Variants in MIR2052HG observed in about 807,000 individuals in gnomAD.
MIR2052HG encodes MIR2052 host gene.
At chr8:74,658,313 T>G (rs1808827092) in intron 2 of MIR2052HG, among the ~76,000 whole-genome samples, 1 of 152,164 alleles carries the variant, frequency 6.6e-6, no homozygotes, top group Non-Finnish European at 1.5e-5. Context: ...CTGTCTTTCC[T>G]GAGAATGTAT....
At chr8:74,718,128 T>C (rs1024345119) in intron 4 of MIR2052HG, among the ~76,000 whole-genome samples, 11 of 152,232 alleles carry the variant, frequency 7.2e-5, no homozygotes, top group Non-Finnish European at 1.2e-4. Context: ...TTGAATTTAT[T>C]GGAATTGTTG....
At chr8:74,621,097 A>C (rs1014587233) in intron 2 of MIR2052HG, among the ~76,000 whole-genome samples, 1 of 152,106 alleles carries the variant, frequency 6.6e-6, no homozygotes, top group Non-Finnish European at 1.5e-5. Flanking sequence ...CCTCATCTCC[A>C]TCTGTGATCA....
intron 2 of MIR2052HG, among the ~76,000 whole-genome samples, chr8:74,658,228 C>T (rs1399717206): frequency 1.3e-5 from 2 of 152,110 alleles, no homozygotes; most frequent in Admixed American, 1.3e-4. Context: ...TTCCCTTCCT[C>T]TGCCCTGACT....
At chr8:74,642,901 T>A (rs531692745) in intron 2 of MIR2052HG, among the ~76,000 whole-genome samples, 123 of 152,312 alleles carry the variant, frequency 8.1e-4, no homozygotes, top group Non-Finnish European at 1.0e-3. Flanking sequence ...GCTTTTCATT[T>A]CCAGCTACCA....
At chr8:74,659,429 G>A (rs1265137281) in intron 2 of MIR2052HG, among the ~76,000 whole-genome samples, 6 of 152,094 alleles carry the variant, frequency 3.9e-5, no homozygotes, top group African/African-American at 9.7e-5. Flanking sequence ...CTTTAAGATC[G>A]TGTTTCCTAC....
At chr8:74,631,785 A>G in intron 2 of MIR2052HG, among the ~76,000 whole-genome samples, 1 of 152,160 alleles carries the variant, frequency 6.6e-6, no homozygotes, top group East Asian at 1.9e-4. Context: ...TCTGGTGAGG[A>G]CTTGCTGTGC....
At chr8:74,657,418 T>C (rs1808817842) in intron 2 of MIR2052HG, among the ~76,000 whole-genome samples, 1 of 152,208 alleles carries the variant, frequency 6.6e-6, no homozygotes, top group South Asian at 2.1e-4. Flanking sequence ...TTCTTTTTTA[T>C]GACCTGCAAG....
intron 2 of MIR2052HG, among the ~76,000 whole-genome samples, chr8:74,667,082 A>G (rs1013539443): frequency 2.0e-5 from 3 of 152,214 alleles, no homozygotes; most frequent in African/African-American, 7.2e-5. Context: ...CAAGAGGGAT[A>G]AATCACCAGG....
intron 2 of MIR2052HG, among the ~76,000 whole-genome samples, chr8:74,650,124 A>G (rs1000898633): frequency 7.2e-5 from 11 of 152,208 alleles, no homozygotes; most frequent in African/African-American, 2.4e-4. Context: ...ACACAATAAT[A>G]TAAGCATACA....
intron 4 of MIR2052HG, among the ~76,000 whole-genome samples, chr8:74,738,491 C>G (rs1809794015): frequency 1.3e-5 from 2 of 152,210 alleles, no homozygotes; most frequent in South Asian, 4.1e-4. Flanking sequence ...GGCTCTTATT[C>G]TCTAAATTAC....
intron 4 of MIR2052HG, among the ~76,000 whole-genome samples, chr8:74,721,502 G>T (rs574738411): frequency 2.6e-5 from 4 of 152,272 alleles, no homozygotes; most frequent in African/African-American, 7.2e-5. Context: ...AGGGACAAAA[G>T]GCCTCTTATC....
chr8:74,735,964 C>T (rs1382307819), intron 4 of MIR2052HG, among the ~76,000 whole-genome samples: 1 of 152,156 alleles, frequency 6.6e-6, no homozygotes, highest in Admixed American at 6.5e-5. Flanking sequence ...AAGTAGTAAG[C>T]AAATGCTAGC....
intron 2 of MIR2052HG, among the ~76,000 whole-genome samples, chr8:74,685,486 G>T (rs1192189402): frequency 6.6e-6 from 1 of 152,044 alleles, no homozygotes; most frequent in Non-Finnish European, 1.5e-5. Context: ...AACCATGTGT[G>T]GTTGGAATCT....
intron 2 of MIR2052HG, among the ~76,000 whole-genome samples, chr8:74,687,300 A>C (rs1007388340): frequency 9.9e-5 from 15 of 152,122 alleles, no homozygotes; most frequent in African/African-American, 3.6e-4. Flanking sequence ...TACTCAAAAA[A>C]ATTTAAAAGG....
intron 2 of MIR2052HG, among the ~76,000 whole-genome samples, chr8:74,682,586 T>C (rs181026104): frequency 2.2e-3 from 334 of 152,040 alleles, no homozygotes; most frequent in Middle Eastern, 0.01. Flanking sequence ...ATCAGGAAAA[T>C]GCAAATAAAA....
intron 2 of MIR2052HG, among the ~76,000 whole-genome samples, chr8:74,696,090 C>A (rs1376395160): frequency 1.3e-5 from 2 of 151,976 alleles, no homozygotes. Flanking sequence ...CAGGTCTCAA[C>A]AAATTAAAGA....
chr8:74,687,212 T>C (rs780077486), intron 2 of MIR2052HG, among the ~76,000 whole-genome samples: 10 of 152,114 alleles, frequency 6.6e-5, no homozygotes, highest in African/African-American at 9.7e-5. Context: ...TGGTGGGGAC[T>C]TCGAAGAATT....
At chr8:74,683,061 T>C (rs1809142516) in intron 2 of MIR2052HG, among the ~76,000 whole-genome samples, 1 of 152,218 alleles carries the variant, frequency 6.6e-6, no homozygotes, top group African/African-American at 2.4e-5. Flanking sequence ...CATATGCACA[T>C]GCAATAAAAG....
At chr8:74,624,765 A>G (rs1267872809) in intron 2 of MIR2052HG, among the ~76,000 whole-genome samples, 3 of 152,184 alleles carry the variant, frequency 2.0e-5, no homozygotes, top group African/African-American at 7.2e-5. Flanking sequence ...CCTAACACTT[A>G]AATACTTTGA....
Sources: allele counts gnomAD v4.1 joint callset (sites outside exome capture counted in the v4.1 genomes callset), GRCh38; gene constraint gnomAD v4.1.1; transcripts MANE v1.5; gene names NCBI Gene and HGNC (gene_info 2026-07-23, HGNC 2026-07-21).